Variants in ABCC4 observed in about 807,000 individuals in gnomAD.
The protein encoded by ABCC4 is ATP-binding cassette sub-family C member 4.
A neutral mutation model predicts 168.5 loss-of-function variants in ABCC4; 102 were observed. The observed-to-expected ratio is 0.61, with a 90% confidence interval of 0.52 to 0.71. ABCC4 has a LOEUF of 0.71. Ranked by LOEUF, ABCC4 falls within the 30% of genes least tolerant of loss-of-function variation. The pLI is 0.00. For synonymous variants in ABCC4, 617 were observed against 590.7 expected (o/e 1.04, Z -0.65); for missense variants, 1,402 against 1,605.8 (o/e 0.87, Z 2.17).
chr13:95,130,909 C>T (rs2035936669), intron 19 of ABCC4, among the ~76,000 whole-genome samples: 1 of 152,186 alleles, frequency 6.6e-6, no homozygotes, highest in Non-Finnish European at 1.5e-5. Context: ...TCCCCACAGG[C>T]ATCCTAGAAA....
In ABCC4 at chr13:95,021,383, A is replaced by G; in HGVS notation, c.*192T>C. 1 of 524,486 alleles carries G rather than the reference A, an allele frequency of 1.9e-6. No homozygotes were observed. The allele number at this position is 524,486 out of a possible 1,614,324, so 32.5% of individuals were successfully genotyped here. ...TTTGGATTTTAAAAAACAACTATTGACATTTAAATAAAAATAAACCATTTT... is the reference window on the plus strand; with the variant it reads ...TTTGGATTTTAAAAAACAACTATTGGCATTTAAATAAAAATAAACCATTTT... On this transcript the variant is annotated 3_prime_UTR_variant, in exon 31 of 31. Transcript: ENST00000645237.
intron 9 of ABCC4, among the ~76,000 whole-genome samples, chr13:95,191,610 A>G (rs1012234579): frequency 2.6e-5 from 4 of 152,216 alleles, no homozygotes; most frequent in African/African-American, 9.6e-5. Context: ...CTTACTATAT[A>G]AGGTGTTCCT....
intron 20 of ABCC4, among the ~76,000 whole-genome samples, chr13:95,093,852 T>A (rs939820625): frequency 1.3e-5 from 2 of 152,088 alleles, no homozygotes; most frequent in African/African-American, 2.4e-5. Flanking sequence ...TGTACACAAA[T>A]CAGTAGCTCT....
intron 13 of ABCC4, among the ~76,000 whole-genome samples, chr13:95,176,593 G>A (rs1056928868): frequency 6.6e-6 from 1 of 152,194 alleles, no homozygotes; most frequent in African/African-American, 2.4e-5. Flanking sequence ...GATCCATGCA[G>A]AGACAAATTC....
rs761516527 is a variant in ABCC4, at chr13:95,206,492, C to A, written c.1161+40G>T. 34 of 1,600,902 alleles carry A rather than the reference C, an allele frequency of 2.1e-5. No homozygotes were observed. The East Asian group carries it at 7.2e-4, about 34-fold the overall frequency. On this transcript the variant is annotated intron_variant, in intron 8 of 30. Transcript: ENST00000645237. ...AATAAAAGGAGACATCATTCTACTT[C>A]AAATGCACCTACAACTTTAAAATGG...
intron 30 of ABCC4, among the ~76,000 whole-genome samples, chr13:95,025,362 A>C (rs1593958178): frequency 5.4e-5 from 1 of 18,356 alleles, no homozygotes; most frequent in Non-Finnish European, 9.4e-5. Flanking sequence ...ACCCCCACAC[A>C]CACCCACACC....
intron 19 of ABCC4, among the ~76,000 whole-genome samples, chr13:95,157,466 G>A (rs1479951930): frequency 2.0e-5 from 3 of 151,424 alleles, no homozygotes; most frequent in South Asian, 4.2e-4. Context: ...CACTGCACTC[G>A]ACTGGGCAAC....
chr13:95,051,962 G>A (rs556009847), intron 27 of ABCC4, among the ~76,000 whole-genome samples: 36 of 152,086 alleles, frequency 2.4e-4, no homozygotes, highest in African/African-American at 8.2e-4. Context: ...ACCGGGCCTG[G>A]CCAATTTTTA....
chr13:95,070,763 C>T (rs2033696929), intron 25 of ABCC4, among the ~76,000 whole-genome samples: 1 of 152,120 alleles, frequency 6.6e-6, no homozygotes, highest in Non-Finnish European at 1.5e-5. Flanking sequence ...AGCAGCTGCT[C>T]ACCCAGGCAA....
intron 19 of ABCC4, among the ~76,000 whole-genome samples, chr13:95,116,625 T>A (rs183162426): frequency 2.6e-5 from 4 of 152,266 alleles, no homozygotes; most frequent in Admixed American, 6.5e-5. Context: ...AAGAGGAAAT[T>A]ATGCAGGAAA....
At chr13:95,100,591 C>T (rs1411442833) in intron 20 of ABCC4, among the ~76,000 whole-genome samples, 30 of 152,234 alleles carry the variant, frequency 2.0e-4, no homozygotes, top group Admixed American at 2.0e-3. Flanking sequence ...ATGTCATCAA[C>T]TGCCCTGTCT....
chr13:95,210,910 C>G (rs572868754), intron 4 of ABCC4, 129 bp from the exon 5 acceptor site: 23 of 602,002 alleles, frequency 3.8e-5, no homozygotes, highest in South Asian at 1.5e-4. Context: ...TCCCCACCCC[C>G]CCACTGCCCC....
At chr13:95,115,219 C>G (rs1409841260) in intron 20 of ABCC4, among the ~76,000 whole-genome samples, 3 of 147,838 alleles carry the variant, frequency 2.0e-5, no homozygotes, top group Admixed American at 2.0e-4. Context: ...TTTAGAGCCT[C>G]AAGTTCACAA....
intron 20 of ABCC4, among the ~76,000 whole-genome samples, chr13:95,097,786 T>C (rs1047557281): frequency 6.6e-6 from 1 of 151,930 alleles, no homozygotes; most frequent in Non-Finnish European, 1.5e-5. Context: ...CCCTAAATCT[T>C]TAGAAATGAA....
chr13:95,212,068 T>C (rs2038973884), intron 4 of ABCC4, among the ~76,000 whole-genome samples: 1 of 150,108 alleles, frequency 6.7e-6, no homozygotes, highest in Non-Finnish European at 1.5e-5. Context: ...TCCCAGCTAC[T>C]CGGGAGGCTG....
intron 20 of ABCC4, among the ~76,000 whole-genome samples, chr13:95,115,467 T>C (rs1020597843): frequency 1.9e-4 from 28 of 149,558 alleles, no homozygotes; most frequent in Admixed American, 4.0e-4. Context: ...TTATTACTAA[T>C]CTTTTCTTTG....
chr13:95,094,926 A>C (rs1474732690), intron 20 of ABCC4, among the ~76,000 whole-genome samples: 3 of 152,212 alleles, frequency 2.0e-5, no homozygotes, highest in Non-Finnish European at 4.4e-5. Context: ...GGGAAATGCA[A>C]ATCAAAAACA....
chr13:95,240,531 AACACAC>A (rs56298285), intron 3 of ABCC4, among the ~76,000 whole-genome samples: 10,449 of 149,544 alleles, frequency 0.07, 607 homozygotes, highest in African/African-American at 0.16. Context: ...TCCATCTCAA[AACACAC>A]ACACACACAC....
intron 19 of ABCC4, among the ~76,000 whole-genome samples, chr13:95,135,334 A>G (rs2036111706): frequency 6.6e-6 from 1 of 152,242 alleles, no homozygotes; most frequent in Non-Finnish European, 1.5e-5. Flanking sequence ...TGCAAACTCA[A>G]CTAAAGTTTT....
Sources: allele counts gnomAD v4.1 joint callset (sites outside exome capture counted in the v4.1 genomes callset), GRCh38; gene constraint gnomAD v4.1.1; transcripts MANE v1.5; gene names NCBI Gene and HGNC (gene_info 2026-07-23, HGNC 2026-07-21).